Variants in BTAF1 observed in about 807,000 individuals in gnomAD.
BTAF1 encodes the protein B-TFIID TATA-box binding protein associated factor 1.
In BTAF1, 38 loss-of-function variants were observed where a neutral mutation model predicts 227.1. That is an observed-to-expected ratio of 0.17 (90% CI 0.13 to 0.22). BTAF1 has a LOEUF of 0.22. BTAF1 is among the 10% of genes least tolerant of loss of function. The pLI, the probability that BTAF1 is intolerant of heterozygous loss-of-function variation, is 1.00. For synonymous variants in BTAF1, 742 were observed against 751.9 expected, an observed-to-expected ratio of 0.99 and a Z score of 0.21; for missense variants, 1,598 against 2,204.0, an observed-to-expected ratio of 0.73 and a Z score of 5.51.
chr10:92,008,197 G>A lies in BTAF1; in HGVS notation c.3735G>A (p.Glu1245=). ...AAGCCAAGGAGCGACACTTTTTGGA[G>A]CAATTGTTAGATGGGAAAAAATTGG... ...QLKAKERHFL[E]QLLDGKKLEN... The change falls in exon 26 of 38, where the codon GAG becomes GAA. Residue 1245 remains glutamate (E), a synonymous_variant. Coordinates refer to ENST00000265990, the MANE Select transcript of BTAF1 (RefSeq NM_003972.3). 6.2e-7 allele frequency: 1 copy of A among 1,602,762 alleles called. No individual in the cohort carries two copies. Among genetic ancestry groups the A allele is most frequent in the African/African-American group, 1.4e-5 (1 of 74,072 alleles).
rs780804754 is a variant in BTAF1 at position 91,951,458 on chromosome 10, A to G, written c.456A>G (p.Lys152=). The change falls in exon 5 of 38, where the codon AAA becomes AAG. Residue 152 remains lysine, a synonymous_variant. Coordinates refer to ENST00000265990, the MANE Select transcript of BTAF1 (RefSeq NM_003972.3). ...IARQRKLLQK[K]LGLNMGEAIG... Reference sequence around the variant, plus strand: ...GCCAACGAAAATTATTACAGAAGAAACTTGGCCTTAATATGGGAGAAGCAA... The same window carrying G: ...GCCAACGAAAATTATTACAGAAGAAGCTTGGCCTTAATATGGGAGAAGCAA... 1 of 1,613,360 alleles carries G rather than the reference A, an allele frequency of 6.2e-7. No individual in the cohort carries two copies. Among genetic ancestry groups the G allele is most frequent in the African/African-American group, 1.3e-5 (1 of 74,920 alleles).
At chr10:92,016,314 C>A in intron 32 of BTAF1, 26 bp from the exon 33 acceptor site, 1 of 1,577,182 alleles carries the variant, frequency 6.3e-7, no homozygotes, top group Non-Finnish European at 8.6e-7. Context: ...ATACTTAAAG[C>A]TTCTCCCACG....
chr10:91,937,571 C>T (rs966780800), intron 2 of BTAF1, among the ~76,000 whole-genome samples: 8 of 152,050 alleles, frequency 5.3e-5, no homozygotes, highest in Non-Finnish European at 1.2e-4. Context: ...CTATTGTGAT[C>T]GATTTCTTTT....
chr10:91,948,599 C>T (rs11186763), intron 4 of BTAF1, among the ~76,000 whole-genome samples: 2,555 of 150,884 alleles, frequency 0.017, 69 homozygotes, highest in African/African-American at 0.056. Context: ...CCAGGCTGGT[C>T]CCAAATTCCT....
chr10:91,958,263 G>A (rs977963409), intron 8 of BTAF1, among the ~76,000 whole-genome samples: 1 of 152,024 alleles, frequency 6.6e-6, no homozygotes, highest in East Asian at 2.0e-4. Flanking sequence ...TTTTGGCCAG[G>A]CTGGTCTTGC....
chr10:91,969,937 G>T (rs1847174997), intron 14 of BTAF1, among the ~76,000 whole-genome samples: 1 of 150,758 alleles, frequency 6.6e-6, no homozygotes, highest in Admixed American at 6.6e-5. Context: ...GCCAAGCCTG[G>T]ATAACAGAGC....
intron 5 of BTAF1, among the ~76,000 whole-genome samples, chr10:91,953,468 A>G (rs1048450889): frequency 6.6e-6 from 1 of 152,172 alleles, no homozygotes; most frequent in South Asian, 2.1e-4. Context: ...TCTATGGGTT[A>G]GGATCATACA....
At chr10:92,028,329 A>G (rs770291991) in intron 37 of BTAF1, among the ~76,000 whole-genome samples, 1 of 152,176 alleles carries the variant, frequency 6.6e-6, no homozygotes, top group Non-Finnish European at 1.5e-5. Flanking sequence ...AACAGACTGT[A>G]TATTAGAACA....
chr10:91,956,685 A>G, intron 7 of BTAF1, 28 bp downstream of exon 7: 1 of 1,599,090 alleles, frequency 6.3e-7, no homozygotes, highest in Non-Finnish European at 8.5e-7. Flanking sequence ...TAAAGTATCC[A>G]TTAAAATTGC....
intron 14 of BTAF1, among the ~76,000 whole-genome samples, chr10:91,969,858 G>A (rs1372776003): frequency 6.6e-6 from 1 of 151,910 alleles, no homozygotes; most frequent in Non-Finnish European, 1.5e-5. Context: ...TAGCTACTCG[G>A]GAGGCTGAGG....
chr10:91,956,521 T>G lies in BTAF1; in HGVS notation c.702-7T>G. ...TCATTTTCTAAATGGTGACTTTTAT[T>G]TTTTAGCAATGATAGCACTGATGGG... On this transcript the variant is annotated splice_polypyrimidine_tract_variant and splice_region_variant and intron_variant, in intron 6 of 37. Transcript: ENST00000265990. 1 of 1,592,662 alleles carries G rather than the reference T, an allele frequency of 6.3e-7. No homozygotes were observed. The highest frequency in any genetic ancestry group is 8.5e-7 in the Non-Finnish European group (1 of 1,174,156).
intron 5 of BTAF1, among the ~76,000 whole-genome samples, chr10:91,953,277 A>G (rs1845885783): frequency 6.6e-6 from 1 of 152,194 alleles, no homozygotes; most frequent in Admixed American, 6.5e-5. Context: ...AGTAGTTAAG[A>G]GGAAAGGGGC....
At chr10:91,962,269 G>A (rs570366048) in intron 11 of BTAF1, among the ~76,000 whole-genome samples, 2 of 151,912 alleles carry the variant, frequency 1.3e-5, no homozygotes, top group South Asian at 2.1e-4. Flanking sequence ...ATGCTGTGCA[G>A]GTTTGTAGCC....
At chr10:91,926,322 TA>T (rs1463474903) in intron 1 of BTAF1, among the ~76,000 whole-genome samples, 1 of 152,204 alleles carries the variant, frequency 6.6e-6, no homozygotes, top group Non-Finnish European at 1.5e-5. Flanking sequence ...GAAACTGTAA[TA>T]TTTTTAGGAC....
intron 1 of BTAF1, among the ~76,000 whole-genome samples, chr10:91,926,966 C>G (rs185581612): frequency 6.6e-6 from 1 of 152,230 alleles, no homozygotes; most frequent in Non-Finnish European, 1.5e-5. Context: ...CCTGTGTCAT[C>G]TTTTTAGATT....
chr10:91,938,194 C>T (rs1380248346), intron 2 of BTAF1, among the ~76,000 whole-genome samples: 1 of 152,166 alleles, frequency 6.6e-6, no homozygotes, highest in African/African-American at 2.4e-5. Context: ...TATAGTTCTT[C>T]ATATACAAGG....
chr10:91,969,696 G>A (rs760328043), intron 14 of BTAF1, among the ~76,000 whole-genome samples: 16 of 152,180 alleles, frequency 1.1e-4, no homozygotes, highest in Non-Finnish European at 2.1e-4. Context: ...CAGCGTGGTG[G>A]CTCAGGCCTG....
intron 13 of BTAF1, among the ~76,000 whole-genome samples, chr10:91,965,426 A>G (rs1846834254): frequency 6.6e-6 from 1 of 152,196 alleles, no homozygotes; most frequent in South Asian, 2.1e-4. Flanking sequence ...GTAATACATA[A>G]GAGAATGAAC....
Position 91,979,486 on chromosome 10 carries a change from G to A in BTAF1, c.1651-968G>A, listed in dbSNP as rs11186778. Among the ~76,000 whole-genome samples the A allele has an allele frequency of 5.9e-5, 9 of 152,140 alleles. No individual in the cohort carries two copies. The East Asian group carries it at 1.7e-3, about 29-fold the overall frequency. On this transcript the variant is annotated intron_variant, in intron 14 of 37. Coordinates refer to ENST00000265990, the MANE Select transcript of BTAF1 (RefSeq NM_003972.3). ...AGTTTTCCATTGGCTACAAATTATA[G>A]GTAGCTTTCTAACTTAAACATTTAT...
Sources: allele counts gnomAD v4.1 joint callset (sites outside exome capture counted in the v4.1 genomes callset), GRCh38; gene constraint gnomAD v4.1.1; transcripts MANE v1.5; gene names NCBI Gene and HGNC (gene_info 2026-07-23, HGNC 2026-07-21).